RHEB: variants seen among roughly 807,000 people sequenced by gnomAD.
The protein encoded by RHEB is Ras homolog, mTORC1 binding.
Under a neutral mutation model 28.8 loss-of-function variants are expected in RHEB, and 2 were observed. The ratio of observed to expected loss-of-function variants is 0.07; its 90% confidence interval spans 0.03 to 0.22. The LOEUF (loss-of-function observed/expected upper bound fraction) is 0.22. Ranked by LOEUF, RHEB falls within the 10% of genes least tolerant of loss-of-function variation. The probability of loss-of-function intolerance (pLI) is 1.00; values close to 1 mark genes in which losing one functional copy is unlikely to be tolerated. For missense variants in RHEB, 76 were observed against 219.9 expected, an observed-to-expected ratio of 0.35 and a Z score of 4.14; for synonymous variants, 69 against 77.3, an observed-to-expected ratio of 0.89 and a Z score of 0.56.
intron 1 of RHEB, chr7:151,501,959 TG>T: frequency 1.5e-6 from 1 of 658,944 alleles, no homozygotes. Flanking sequence ...GGAGGCGGGC[TG>T]GGCGCCGTGG....
At chr7:151,471,513 G>A (rs1802161110) in intron 5 of RHEB, 36 bp downstream of exon 5, 1 of 1,564,586 alleles carries the variant, frequency 6.4e-7, no homozygotes, top group African/African-American at 1.4e-5. Flanking sequence ...ATTAAAAGAA[G>A]TTTCTCTAAC....
At chr7:151,481,510 G>A (rs954875658) in intron 3 of RHEB, among the ~76,000 whole-genome samples, 5 of 152,170 alleles carry the variant, frequency 3.3e-5, no homozygotes, top group Admixed American at 6.5e-5. Flanking sequence ...GCCCCCGTAT[G>A]CATCCAATTT....
intron 2 of RHEB, among the ~76,000 whole-genome samples, chr7:151,485,866 T>G (rs1310278457): frequency 3.3e-5 from 5 of 151,982 alleles, no homozygotes; most frequent in Non-Finnish European, 7.4e-5. Context: ...GGGCCAAAAG[T>G]CAGGTGAGTA....
At chr7:151,471,334 A>G in intron 6 of RHEB, 60 bp downstream of exon 6, 1 of 1,104,834 alleles carries the variant, frequency 9.1e-7, no homozygotes. Flanking sequence ...CAGAACAATA[A>G]TTAAAATGAT....
chr7:151,480,248 CA>C (rs1283464060), intron 3 of RHEB, among the ~76,000 whole-genome samples: 1 of 152,056 alleles, frequency 6.6e-6, no homozygotes, highest in Non-Finnish European at 1.5e-5. Context: ...GCAAGACCAG[CA>C]ACAGTCTAAC....
At chr7:151,502,153 G>A in intron 1 of RHEB, 1 of 421,616 alleles carries the variant, frequency 2.4e-6, no homozygotes, top group East Asian at 4.8e-5. Flanking sequence ...GAAGAATCTT[G>A]TGAACCCGGG....
At chr7:151,503,100 G>A in intron 1 of RHEB, 1 of 805,152 alleles carries the variant, frequency 1.2e-6, no homozygotes, top group South Asian at 1.3e-5. Context: ...TTGGAAAAGG[G>A]AGCTGTAGAA....
chr7:151,468,601 TG>T lies in RHEB; in HGVS notation c.463-1391del, dbSNP rs990132467. On this transcript the variant is annotated intron_variant, in intron 7 of 7. Transcript: ENST00000262187. This position sits in a 1 kb window ranked among gnomAD's most constrained non-coding sequence, Gnocchi z 4.3. ...AATGTTCCCCGTGCTTACGCTCAGC[TG>T]AAAACCTTGTTTTACACACTTCACT... Among the ~76,000 whole-genome samples, 5 of 152,264 alleles carry T rather than the reference TG, an allele frequency of 3.3e-5. No homozygotes were observed. The highest frequency in any genetic ancestry group is 1.2e-4 in the African/African-American group (5 of 41,480).
At chr7:151,500,225 TG>T (rs1366105603) in intron 1 of RHEB, among the ~76,000 whole-genome samples, 2 of 151,950 alleles carry the variant, frequency 1.3e-5, no homozygotes. Context: ...CTCTGAAAAA[TG>T]GACTAGAAAT....
chr7:151,470,202 G>A (rs1225766533), intron 7 of RHEB: 1 of 154,722 alleles, frequency 6.5e-6, no homozygotes, highest in Non-Finnish European at 1.4e-5. Flanking sequence ...AAAAGCCAGG[G>A]GGTGGGTAGT....
chr7:151,501,833 C>T (rs116935521), intron 1 of RHEB: 12,028 of 476,502 alleles, frequency 0.025, 231 homozygotes, highest in Non-Finnish European at 0.032. Context: ...TCCTACCAGC[C>T]GCTGCTGCCC....
chr7:151,481,254 T>C (rs1001439196), intron 3 of RHEB, among the ~76,000 whole-genome samples: 2 of 152,158 alleles, frequency 1.3e-5, no homozygotes, highest in African/African-American at 4.8e-5. Flanking sequence ...TATTTAACCA[T>C]GTTCATCATC....
chr7:151,470,016 A>G (rs939218274), intron 7 of RHEB, among the ~76,000 whole-genome samples: 5 of 152,188 alleles, frequency 3.3e-5, no homozygotes, highest in African/African-American at 9.7e-5. Flanking sequence ...ATGGAAGAGA[A>G]GGGCTCATAC....
At chr7:151,496,044 T>C (rs1272031855) in intron 1 of RHEB, among the ~76,000 whole-genome samples, 1 of 152,204 alleles carries the variant, frequency 6.6e-6, no homozygotes, top group Non-Finnish European at 1.5e-5. Flanking sequence ...AACTAGTCTA[T>C]CAAGGCATTC....
intron 1 of RHEB, among the ~76,000 whole-genome samples, chr7:151,493,538 T>C (rs1802623818): frequency 6.6e-6 from 1 of 152,236 alleles, no homozygotes; most frequent in African/African-American, 2.4e-5. Context: ...TTGAGATTTC[T>C]GAACAAATGA....
rs1224845112 is a variant in RHEB at position 151,484,755 on chromosome 7, A to C, written c.174T>G (p.Leu58=). The C allele has an allele frequency of 6.2e-7, 1 of 1,612,358 alleles. No individual in the cohort carries two copies. Among genetic ancestry groups the C allele is most frequent in the Admixed American group, 1.7e-5 (1 of 60,020 alleles). The change falls in exon 3 of 8, where the codon CTT becomes CTG. Residue 58 remains leucine, a synonymous_variant. Coordinates refer to ENST00000262187, the MANE Select transcript of RHEB (RefSeq NM_005614.4). ...TVNGQEYHLQ[L]VDTAGQDEYS... ...CACTTACTTGCCCGGCTGTGTCTAC[A>C]AGTTGAAGATGATATTCTTGTCCAT... is the stretch of plus-strand genomic sequence containing the variant.
rs536884873 is a variant in RHEB, at chr7:151,481,111, G to A, written c.192+3626C>T. Among the ~76,000 whole-genome samples, 4 of 151,468 alleles carry A rather than the reference G, an allele frequency of 2.6e-5. No homozygotes were observed. The South Asian group carries it at 8.3e-4, about 32-fold the overall frequency. ...ATAATGTAACACCAGGCATAAATAGGTTAATATAGAAGAGGCTACTTTTTT... is the reference window on the plus strand; with the variant it reads ...ATAATGTAACACCAGGCATAAATAGATTAATATAGAAGAGGCTACTTTTTT... On this transcript the variant is annotated intron_variant, in intron 3 of 7. Coordinates refer to ENST00000262187, the MANE Select transcript of RHEB (RefSeq NM_005614.4).
At chr7:151,518,449 G>A (rs1803120481) in intron 1 of RHEB, among the ~76,000 whole-genome samples, 1 of 152,076 alleles carries the variant, frequency 6.6e-6, no homozygotes, top group Admixed American at 6.6e-5. Flanking sequence ...CCCGGTGCAC[G>A]CCTTCTATAG....
chr7:151,493,624 A>C (rs997342133), intron 1 of RHEB, among the ~76,000 whole-genome samples: 6 of 152,240 alleles, frequency 3.9e-5, no homozygotes, highest in Admixed American at 3.9e-4. Flanking sequence ...TTTTATACAA[A>C]TGAAATACAA....
Sources: gnomAD v4.1 joint callset for allele counts (sites outside exome capture counted in the v4.1 genomes callset) on GRCh38, gnomAD v4.1.1 for gene constraint, Gnocchi (gnomAD v3.1) non-coding constraint, MANE v1.5 for transcripts, NCBI Gene and HGNC (gene_info 2026-07-23, HGNC 2026-07-21) for gene names.